SENP7: variants seen among roughly 807,000 people sequenced by gnomAD.
SENP7 encodes SUMO specific peptidase 7.
In SENP7, 64 loss-of-function variants were observed where a neutral mutation model predicts 141.2. That is an observed-to-expected ratio of 0.45 (90% CI 0.37 to 0.56). SENP7 has a LOEUF of 0.56. Among genes scored for constraint, SENP7 ranks in the 20% least tolerant of loss-of-function variants. SENP7 has a pLI of 0.00. For synonymous variants in SENP7, 382 were observed against 426.4 expected, an observed-to-expected ratio of 0.90 and a Z score of 1.28; for missense variants, 1,025 against 1,212.2, an observed-to-expected ratio of 0.85 and a Z score of 2.29.
intron 1 of SENP7, among the ~76,000 whole-genome samples, chr3:101,505,081 G>T (rs936229063): frequency 6.7e-6 from 1 of 150,260 alleles, no homozygotes; most frequent in African/African-American, 2.4e-5. Flanking sequence ...AAAGAAAAAA[G>T]AAAAAAAAAG....
At chr3:101,343,551 G>C (rs755110023) in intron 14 of SENP7, 135 bp downstream of exon 14, 33 of 693,904 alleles carry the variant, frequency 4.8e-5, no homozygotes, top group Non-Finnish European at 7.3e-5. Context: ...TTCCAGCATT[G>C]GCAACGGGAG....
At chr3:101,396,526 A>G (rs1359623158) in intron 6 of SENP7, among the ~76,000 whole-genome samples, 3 of 151,988 alleles carry the variant, frequency 2.0e-5, no homozygotes, top group African/African-American at 7.3e-5. Flanking sequence ...CTTCCTTAAT[A>G]TTTTCATTTA....
intron 4 of SENP7, among the ~76,000 whole-genome samples, chr3:101,446,634 C>A (rs2062907900): frequency 6.6e-6 from 1 of 152,104 alleles, no homozygotes; most frequent in African/African-American, 2.4e-5. Context: ...ACTGTACAAA[C>A]CCCTGGAAAT....
chr3:101,433,360 AAG>A (rs1166922462), intron 4 of SENP7, among the ~76,000 whole-genome samples: 1 of 151,858 alleles, frequency 6.6e-6, no homozygotes, highest in African/African-American at 2.4e-5. Flanking sequence ...AAAAACAAGA[AAG>A]AGAAGACCAC....
chr3:101,486,443 G>C (rs1286983255), intron 3 of SENP7, among the ~76,000 whole-genome samples: 1 of 152,112 alleles, frequency 6.6e-6, no homozygotes, highest in African/African-American at 2.4e-5. Flanking sequence ...AAGGGAATTG[G>C]GGCTATCTTC....
chr3:101,358,631 C>CT (rs1330585585), intron 11 of SENP7: 50 of 165,860 alleles, frequency 3.0e-4, no homozygotes, highest in South Asian at 1.0e-3. Flanking sequence ...ATTCTCAATT[C>CT]TTTTTTTTTC....
chr3:101,363,764 G>A (rs1393776367), intron 10 of SENP7, among the ~76,000 whole-genome samples: 2 of 152,140 alleles, frequency 1.3e-5, no homozygotes, highest in African/African-American at 4.8e-5. Context: ...ACAATAATCA[G>A]ACCAAACTGT....
intron 1 of SENP7, among the ~76,000 whole-genome samples, chr3:101,509,167 A>C (rs1340195736): frequency 1.3e-5 from 2 of 151,906 alleles, no homozygotes; most frequent in Non-Finnish European, 2.9e-5. Flanking sequence ...ACTCCCTACC[A>C]ACCTGATTTA....
chr3:101,425,943 GTC>G (rs2061944777), intron 4 of SENP7, among the ~76,000 whole-genome samples: 2 of 152,224 alleles, frequency 1.3e-5, no homozygotes, highest in South Asian at 4.2e-4. Flanking sequence ...AAATAAGACA[GTC>G]AGACAAAAAT....
intron 4 of SENP7, among the ~76,000 whole-genome samples, chr3:101,438,146 AC>A (rs2062462338): frequency 6.6e-6 from 1 of 152,208 alleles, no homozygotes; most frequent in South Asian, 2.1e-4. Context: ...GTATTTGTAC[AC>A]CCATGTTAAC....
At chr3:101,358,257 A>C in intron 11 of SENP7, 5 of 1,059,482 alleles carry the variant, frequency 4.7e-6, no homozygotes, top group Non-Finnish European at 6.7e-6. Context: ...GAGAAACCTT[A>C]CAAATGTGAA....
chr3:101,342,145 CAA>C (rs1465622265), intron 14 of SENP7, among the ~76,000 whole-genome samples: 12 of 152,018 alleles, frequency 7.9e-5, no homozygotes, highest in African/African-American at 2.9e-4. Context: ...AATATATAAA[CAA>C]TATAATTAGG....
At position 101,451,841 on chromosome 3, in the gene SENP7, T is replaced by C. The variant is rs573200906; in HGVS notation, c.284+7114A>G. On this transcript the variant is annotated intron_variant, in intron 4 of 23. Coordinates refer to ENST00000394095, the MANE Select transcript of SENP7 (RefSeq NM_020654.5). Reference sequence around the variant, plus strand: ...CCTCTCTCACCACTCCTATTCAACATTGTGTTGGAAGTTCTGGCCAGGGCA... The same window carrying C: ...CCTCTCTCACCACTCCTATTCAACACTGTGTTGGAAGTTCTGGCCAGGGCA... Among the ~76,000 whole-genome samples, 182 of 152,294 alleles carry C rather than the reference T, an allele frequency of 1.2e-3. 1 individual carries two copies. The highest frequency in any genetic ancestry group is 2.5e-3 in the African/African-American group (102 of 41,558).
chr3:101,513,212 G>GAA (rs1254138448), upstream of SENP7: 1,394 of 135,896 alleles, frequency 0.01, 344 homozygotes, highest in East Asian at 0.022. Flanking sequence ...GGAGGGGAAA[G>GAA]GAAAAAAAAA....
At chr3:101,351,597 C>A in intron 12 of SENP7, 21 bp downstream of exon 12, 2 of 1,336,196 alleles carry the variant, frequency 1.5e-6, no homozygotes, top group South Asian at 1.9e-5. Context: ...AAGACAAGTT[C>A]ATAAGAGAAT....
intron 4 of SENP7, among the ~76,000 whole-genome samples, chr3:101,420,930 G>A (rs898131728): frequency 1.3e-5 from 2 of 152,084 alleles, no homozygotes; most frequent in Non-Finnish European, 2.9e-5. Context: ...CAAATACAAT[G>A]CATGAACCTG....
chr3:101,432,481 G>T lies in SENP7; in HGVS notation c.285-14691C>A, dbSNP rs1240005862. Reference sequence around the variant, plus strand: ...CAGGGAGTAGTGACAGCAGGTCTTGGGAGAGACCCAGGCTGTGCTGGCTTC... The same window carrying T: ...CAGGGAGTAGTGACAGCAGGTCTTGTGAGAGACCCAGGCTGTGCTGGCTTC... On this transcript the variant is annotated intron_variant, in intron 4 of 23. Coordinates refer to ENST00000394095, the MANE Select transcript of SENP7 (RefSeq NM_020654.5). 2.6e-5 allele frequency among the ~76,000 whole-genome samples: 4 copies of T among 152,174 alleles called. No individual in the cohort carries two copies. The East Asian group carries it at 7.7e-4, about 29-fold the overall frequency.
chr3:101,401,887 A>G (rs1576232691), intron 5 of SENP7, among the ~76,000 whole-genome samples: 1 of 151,944 alleles, frequency 6.6e-6, no homozygotes, highest in African/African-American at 2.4e-5. Context: ...GGGAGACTGA[A>G]GTGAGAGGAT....
intron 6 of SENP7, among the ~76,000 whole-genome samples, 195 bp downstream of exon 6, chr3:101,398,666 A>G (rs1029862739): frequency 2.6e-5 from 4 of 152,208 alleles, no homozygotes. Flanking sequence ...TATGGTGGCC[A>G]GTGCTTCTGA....
Sources: allele counts gnomAD v4.1 joint callset (sites outside exome capture counted in the v4.1 genomes callset), GRCh38; gene constraint gnomAD v4.1.1; transcripts MANE v1.5; gene names NCBI Gene and HGNC (gene_info 2026-07-23, HGNC 2026-07-21).